Variants in FERMT2 observed in about 807,000 individuals in gnomAD.
FERMT2 encodes the protein FERM domain containing kindlin 2, also known as fermitin family homolog 2.
In FERMT2, 15 loss-of-function variants were observed where a neutral mutation model predicts 82.7. That is an observed-to-expected ratio of 0.18 (90% CI 0.12 to 0.28). The LOEUF (loss-of-function observed/expected upper bound fraction) is 0.28. Among genes scored for constraint, FERMT2 ranks in the 10% least tolerant of loss-of-function variants. The pLI is 1.00. For synonymous variants in FERMT2, 274 were observed against 271.5 expected, an observed-to-expected ratio of 1.01 and a Z score of -0.09; for missense variants, 645 against 809.4, an observed-to-expected ratio of 0.80 and a Z score of 2.46.
chr14:52,901,991 A>G (rs537990830), intron 3 of FERMT2, among the ~76,000 whole-genome samples: 1 of 152,374 alleles, frequency 6.6e-6, no homozygotes, highest in East Asian at 1.9e-4. Flanking sequence ...AAAATAACTT[A>G]TGAGAAACAG....
chr14:52,898,395 T>G (rs1244011515), intron 3 of FERMT2, among the ~76,000 whole-genome samples: 2 of 152,214 alleles, frequency 1.3e-5, no homozygotes. Context: ...CCACTTATCC[T>G]CAAATGTAAT....
At position 52,859,676 on chromosome 14, in the gene FERMT2, G is replaced by A. The variant is rs1884780917; in HGVS notation, c.1766C>T (p.Ala589Val). The A allele has an allele frequency of 6.2e-7, 1 of 1,605,534 alleles. No homozygotes were observed. The highest frequency in any genetic ancestry group is 8.5e-7 in the Non-Finnish European group (1 of 1,175,502). The part of the protein sequence containing the change: ...GGKKEELIGI[A>V]YNRLIRMDAS... ...ATCCATCCGAATCAGTCTGTTGTAT[G>A]CAATTCCAATAAGTTCTTCTTTTTT... The change falls in exon 14 of 15, where the codon GCA (alanine) becomes GTA (valine). Residue 589 changes from alanine to valine, a missense_variant. Transcript: ENST00000341590.
At chr14:52,946,660 C>G (rs1890370110) in intron 2 of FERMT2, among the ~76,000 whole-genome samples, 1 of 152,008 alleles carries the variant, frequency 6.6e-6, no homozygotes, top group South Asian at 2.1e-4. Flanking sequence ...CAAACCAAAC[C>G]AAACAGTACT....
chr14:52,919,473 C>T, intron 2 of FERMT2, 117 bp from the exon 3 acceptor site: 1 of 673,312 alleles, frequency 1.5e-6, no homozygotes, highest in Non-Finnish European at 2.5e-6. Flanking sequence ...TACTAAGTTA[C>T]TGTTATGTGA....
At chr14:52,902,825 C>T (rs1250283950) in intron 3 of FERMT2, among the ~76,000 whole-genome samples, 1 of 124,418 alleles carries the variant, frequency 8.0e-6, no homozygotes, top group Non-Finnish European at 1.6e-5. Flanking sequence ...GCTGGGGTCA[C>T]ACCACTGTAC....
At chr14:52,942,224 G>C (rs1181666681) in intron 2 of FERMT2, among the ~76,000 whole-genome samples, 1 of 151,342 alleles carries the variant, frequency 6.6e-6, no homozygotes, top group Non-Finnish European at 1.5e-5. Context: ...TTTATATAAA[G>C]TATATATACA....
intron 7 of FERMT2, among the ~76,000 whole-genome samples, chr14:52,876,775 T>C (rs1164564683): frequency 1.3e-5 from 2 of 152,114 alleles, no homozygotes; most frequent in Non-Finnish European, 2.9e-5. Flanking sequence ...GGAGTATAGG[T>C]TCTCTCTGAA....
At chr14:52,859,824 T>TA in intron 13 of FERMT2, 110 bp from the exon 14 acceptor site, 1 of 582,244 alleles carries the variant, frequency 1.7e-6, no homozygotes. Context: ...ACTATTCTTT[T>TA]TTTTTTTTTT....
At chr14:52,900,164 AGT>A (rs1432069389) in intron 3 of FERMT2, among the ~76,000 whole-genome samples, 2 of 151,566 alleles carry the variant, frequency 1.3e-5, no homozygotes, top group African/African-American at 2.4e-5. Context: ...GGAATGAAGT[AGT>A]GTTAGTGTGC....
intron 4 of FERMT2, among the ~76,000 whole-genome samples, chr14:52,886,077 T>C (rs919859572): frequency 1.3e-5 from 2 of 152,088 alleles, no homozygotes; most frequent in Admixed American, 1.3e-4. Context: ...TGAAAATTAA[T>C]AGAATATAAA....
rs963522514 is a variant in FERMT2, at chr14:52,927,598, A to T, written c.158-8242T>A. ...TAGCAAAACCTCATCCCTATAAAAA[A>T]AAAAAAAAAAAAAAAAAAAAAAAAA... is the stretch of plus-strand genomic sequence containing the variant. On this transcript the variant is annotated intron_variant, in intron 2 of 14. Transcript: ENST00000341590. Among the ~76,000 whole-genome samples, 1,160 of 141,060 alleles carry T rather than the reference A, an allele frequency of 8.2e-3. 35 individuals carry two copies. Among genetic ancestry groups the T allele is most frequent in the East Asian group, 0.054 (261 of 4,832 alleles). The allele number at this position is 141,060 out of a possible 152,430, so 92.5% of individuals were successfully genotyped here.
At chr14:52,874,348 A>G in intron 8 of FERMT2, 122 bp from the exon 9 acceptor site, 1 of 543,038 alleles carries the variant, frequency 1.8e-6, no homozygotes, top group Non-Finnish European at 3.1e-6. Context: ...ACAATGATAA[A>G]GATTTAAACA....
At chr14:52,875,836 C>T (rs1412167342) in intron 7 of FERMT2, among the ~76,000 whole-genome samples, 3 of 152,180 alleles carry the variant, frequency 2.0e-5, no homozygotes, top group African/African-American at 7.2e-5. Context: ...AAAGCTAAAA[C>T]TCCACTTTTT....
At chr14:52,903,275 T>C (rs1265903039) in intron 3 of FERMT2, among the ~76,000 whole-genome samples, 1 of 152,098 alleles carries the variant, frequency 6.6e-6, no homozygotes, top group Non-Finnish European at 1.5e-5. Context: ...TGGTGACTCA[T>C]GCCTGTAATC....
intron 6 of FERMT2, 143 bp from the exon 7 acceptor site, chr14:52,878,832 T>C: frequency 3.8e-6 from 2 of 530,854 alleles, no homozygotes; most frequent in Non-Finnish European, 6.5e-6. Context: ...TTATTTACAA[T>C]CAAGTATTAT....
rs373347576 is a variant in FERMT2 at position 52,874,153 on chromosome 14, G to C, written c.1148+24C>G. On this transcript the variant is annotated intron_variant, in intron 9 of 14. Coordinates refer to ENST00000341590, the MANE Select transcript of FERMT2 (RefSeq NM_006832.3). ...ATAAAGCTGACAGTTATTAATATTTGGCATCCCTCCTTTTTGTACTTACTT... is the reference window on the plus strand; with the variant it reads ...ATAAAGCTGACAGTTATTAATATTTCGCATCCCTCCTTTTTGTACTTACTT... 7 of 1,486,768 alleles carry C rather than the reference G, an allele frequency of 4.7e-6. No individual in the cohort carries two copies. In the African/African-American group the frequency reaches 9.8e-5, roughly 21 times the overall value. The allele number at this position is 1,486,768 out of a possible 1,614,324, so 92.1% of individuals were successfully genotyped here.
intron 2 of FERMT2, among the ~76,000 whole-genome samples, chr14:52,945,253 T>G (rs866951653): frequency 6.6e-6 from 1 of 151,698 alleles, no homozygotes; most frequent in Non-Finnish European, 1.5e-5. Flanking sequence ...GTTTTTTTTT[T>G]GTGGGTTGGG....
At chr14:52,906,834 T>C (rs1888036986) in intron 3 of FERMT2, among the ~76,000 whole-genome samples, 1 of 148,566 alleles carries the variant, frequency 6.7e-6, no homozygotes, top group South Asian at 2.1e-4. Flanking sequence ...AAATTGCTGA[T>C]AACCAAGGTA....
intron 4 of FERMT2, among the ~76,000 whole-genome samples, chr14:52,888,192 A>G (rs1886722638): frequency 6.6e-6 from 1 of 152,176 alleles, no homozygotes; most frequent in Non-Finnish European, 1.5e-5. Flanking sequence ...AAAACAAACC[A>G]TAAGGCTTAT....
Sources: gnomAD v4.1 joint callset for allele counts (sites outside exome capture counted in the v4.1 genomes callset) on GRCh38, gnomAD v4.1.1 for gene constraint, MANE v1.5 for transcripts, NCBI Gene and HGNC (gene_info 2026-07-23, HGNC 2026-07-21) for gene names.